The following NIBAN2 variants were observed in gnomAD, a reference collection of about 807,000 sequenced individuals.
The protein encoded by NIBAN2 is protein Niban 2.
NIBAN2 carries 36 observed loss-of-function variants against 81.8 expected under a neutral mutation model. The observed-to-expected ratio is 0.44, with a 90% CI of 0.34 to 0.58. The LOEUF (loss-of-function observed/expected upper bound fraction) is 0.58. NIBAN2 is among the 20% of genes least tolerant of loss of function. The pLI, the probability that NIBAN2 is intolerant of heterozygous loss-of-function variation, is 0.02. For synonymous variants in NIBAN2, 445 were observed against 441.6 expected, an observed-to-expected ratio of 1.01 and a Z score of -0.10; for missense variants, 897 against 1,014.1, an observed-to-expected ratio of 0.88 and a Z score of 1.57.
At chr9:127,533,104 ACC>A (rs1210062540) in intron 1 of NIBAN2, among the ~76,000 whole-genome samples, 1 of 149,422 alleles carries the variant, frequency 6.7e-6, no homozygotes, top group Non-Finnish European at 1.5e-5. Context: ...GTTGCAATGA[ACC>A]AAGATCGTAC....
At chr9:127,547,612 C>T (rs896727161) in intron 1 of NIBAN2, among the ~76,000 whole-genome samples, 1 of 152,016 alleles carries the variant, frequency 6.6e-6, no homozygotes, top group African/African-American at 2.4e-5. Flanking sequence ...CCAAGGTGGG[C>T]AGATCATCTG....
intron 1 of NIBAN2, among the ~76,000 whole-genome samples, chr9:127,558,048 C>T (rs1220750478): frequency 2.0e-5 from 3 of 151,934 alleles, no homozygotes; most frequent in African/African-American, 4.8e-5. Flanking sequence ...AGGGCTGCCC[C>T]TTCCCCCTCC....
At chr9:127,530,260 A>C (rs1009099847) in intron 2 of NIBAN2, among the ~76,000 whole-genome samples, 12 of 152,256 alleles carry the variant, frequency 7.9e-5, no homozygotes, top group Admixed American at 6.5e-5. Context: ...TTTCTGGGTC[A>C]AAAAGCAAAG....
At position 127,508,206 on chromosome 9, in the gene NIBAN2, G is replaced by A; in HGVS notation, c.1435-6C>T. 1 of 1,608,884 alleles carries A rather than the reference G, an allele frequency of 6.2e-7. No individual in the cohort carries two copies. The highest frequency in any genetic ancestry group is 8.5e-7 in the Non-Finnish European group (1 of 1,176,082). On this transcript the variant is annotated splice_region_variant and splice_polypyrimidine_tract_variant and intron_variant, in intron 11 of 13. Transcript: ENST00000373312. The surrounding 1 kb of genome is among the most constrained non-coding windows in gnomAD (Gnocchi z 6.4). ...CTGCTGTCGTAGTCGTATTTCTGCA[G>A]GGAACAAGGGGGTCGGGGGTCTGCA... is the stretch of plus-strand genomic sequence containing the variant.
Position 127,505,415 on chromosome 9 carries a change from G to C in NIBAN2, c.*1430C>G, listed in dbSNP as rs1208699578. The C allele has an allele frequency of 1.3e-5, 2 of 152,664 alleles. No individual in the cohort carries two copies. Among genetic ancestry groups the C allele is most frequent in the Non-Finnish European group, 2.9e-5 (2 of 68,048 alleles). The allele number at this position is 152,664 out of a possible 1,614,324, so 9.5% of individuals were successfully genotyped here. On this transcript the variant is annotated 3_prime_UTR_variant, in exon 14 of 14. Coordinates refer to ENST00000373312, the MANE Select transcript of NIBAN2 (RefSeq NM_022833.4). ...AATATTTTCAATACAATATCAGGGA[G>C]GGATGATGGGAACCCCTCAAAAGGC...
chr9:127,511,645 C>CA (rs1173156274), intron 8 of NIBAN2, among the ~76,000 whole-genome samples: 1 of 151,874 alleles, frequency 6.6e-6, no homozygotes, highest in Non-Finnish European at 1.5e-5. Flanking sequence ...ACCATGATGG[C>CA]AAAAAACTAA....
chr9:127,527,622 C>G lies in NIBAN2; in HGVS notation c.187-300G>C, dbSNP rs549806903. On this transcript the variant is annotated intron_variant, in intron 2 of 13. Coordinates refer to ENST00000373312, the MANE Select transcript of NIBAN2 (RefSeq NM_022833.4). ...TAGGGCCTGGCCACAGCCAGGCTCT[C>G]CCTCTCCATCCCAGCCTTGGGCTGT... Among the ~76,000 whole-genome samples the G allele has an allele frequency of 2.0e-5, 3 of 152,328 alleles. No homozygotes were observed. The East Asian group carries it at 5.8e-4, about 29-fold the overall frequency.
Position 127,508,611 on chromosome 9 carries a change from C to A in NIBAN2, c.1318-73G>T, listed in dbSNP as rs188858973. The A allele has an allele frequency of 4.6e-5, 59 of 1,269,364 alleles. No homozygotes were observed. In the African/African-American group the frequency reaches 7.4e-4, roughly 16 times the overall value. 78.6% of individuals were successfully genotyped at this position (1,269,364 alleles called of 1,614,324 possible). A position where few individuals can be genotyped will look rare whatever the true frequency, so the allele number is the denominator to read the frequency against. On this transcript the variant is annotated intron_variant, in intron 10 of 13. Transcript: ENST00000373312. This position sits in a 1 kb window ranked among gnomAD's most constrained non-coding sequence, Gnocchi z 6.4. The stretch of plus-strand genomic sequence containing the variant: ...CCCTTCCTGGGTGCCGCTGAGGGGT[C>A]CTCATCCTCAACCAGCCCCCCACCC...
chr9:127,577,377 A>G (rs1299815419), intron 1 of NIBAN2, among the ~76,000 whole-genome samples: 2 of 152,048 alleles, frequency 1.3e-5, no homozygotes, highest in African/African-American at 4.8e-5. Context: ...TAGAGCTGCA[A>G]TACCCCACGC....
rs975908582 is a variant in NIBAN2 at position 127,509,191 on chromosome 9, C to G, written c.1162-60G>C. The G allele has an allele frequency of 5.3e-6, 8 of 1,505,928 alleles. No individual in the cohort carries two copies. In the African/African-American group the frequency reaches 6.9e-5, roughly 13 times the overall value. The allele number at this position is 1,505,928 out of a possible 1,614,324, so 93.3% of individuals were successfully genotyped here. On this transcript the variant is annotated intron_variant, in intron 9 of 13. Coordinates refer to ENST00000373312, the MANE Select transcript of NIBAN2 (RefSeq NM_022833.4). ...CCGCCCTGTGGCCAGGCAGCACCCC[C>G]CACACACTTTGCCTGGGTCCTCGAA...
At chr9:127,518,029 C>CA (rs1836867667) in intron 5 of NIBAN2, 88 bp from the exon 6 acceptor site, 2 of 756,466 alleles carry the variant, frequency 2.6e-6, no homozygotes, top group Non-Finnish European at 2.1e-6. Context: ...AAAACCCCCC[C>CA]CACACACATG....
chr9:127,523,894 C>T lies in NIBAN2; in HGVS notation c.422-48G>A, dbSNP rs970500893. On this transcript the variant is annotated intron_variant, in intron 4 of 13. Transcript: ENST00000373312. ...GCAGCTGCCCTCTGTGGTTGCCCTC[C>T]ACCAGAGGATGTCAGAGAACTGATC... 44 of 1,575,304 alleles carry T rather than the reference C, an allele frequency of 2.8e-5. No individual in the cohort carries two copies. In the Middle Eastern group the frequency reaches 5.1e-4, roughly 18 times the overall value.
rs1307181598 is a variant in NIBAN2 at position 127,507,765 on chromosome 9, G to T, written c.1654+102C>A. ...ACCCAGACCCCAGGTGCAAGTCTGG[G>T]CTTTTCTTTGAGCCTTAGCTGACCC... On this transcript the variant is annotated intron_variant, in intron 13 of 13. Coordinates refer to ENST00000373312, the MANE Select transcript of NIBAN2 (RefSeq NM_022833.4). The surrounding 1 kb of genome is among the most constrained non-coding windows in gnomAD (Gnocchi z 6.8). 2.8e-6 allele frequency: 3 copies of T among 1,077,636 alleles called. No individual in the cohort carries two copies. The highest frequency in any genetic ancestry group is 2.8e-6 in the Non-Finnish European group (2 of 707,014). 66.8% of individuals were successfully genotyped at this position (1,077,636 alleles called of 1,614,324 possible).
In NIBAN2 at chr9:127,508,723, G is replaced by A. The variant is rs1485311164; in HGVS notation, c.1318-185C>T. On this transcript the variant is annotated intron_variant, in intron 10 of 13. Coordinates refer to ENST00000373312, the MANE Select transcript of NIBAN2 (RefSeq NM_022833.4). The surrounding 1 kb of genome is among the most constrained non-coding windows in gnomAD (Gnocchi z 6.4). ...GCAAGTCCCTGCCTCAAGGCAACAG[G>A]AAATATGGGAAGGGGCCTGGGGGCG... Among the ~76,000 whole-genome samples the A allele has an allele frequency of 6.6e-6, 1 of 152,082 alleles. No individual in the cohort carries two copies. Among genetic ancestry groups the A allele is most frequent in the African/African-American group, 2.4e-5 (1 of 41,416 alleles).
intron 8 of NIBAN2, among the ~76,000 whole-genome samples, chr9:127,513,235 G>A (rs553225275): frequency 6.6e-6 from 1 of 152,214 alleles, no homozygotes; most frequent in South Asian, 2.1e-4. Flanking sequence ...TAAACAAGCA[G>A]AAAACAAAGC....
In NIBAN2 at chr9:127,517,772, T is replaced by C; in HGVS notation, c.705+54A>G. ...CTGTACCCCACCCCCTGCCCTCCCC[T>C]GCTGGGTCCTTGGGTGACTTCTGAG... On this transcript the variant is annotated intron_variant, in intron 6 of 13. Transcript: ENST00000373312. The surrounding 1 kb of genome is among the most constrained non-coding windows in gnomAD (Gnocchi z 4.0). 1 of 976,560 alleles carries C rather than the reference T, an allele frequency of 1.0e-6. No homozygotes were observed. The highest frequency in any genetic ancestry group is 1.5e-6 in the Non-Finnish European group (1 of 653,232). The allele number at this position is 976,560 out of a possible 1,614,324, so 60.5% of individuals were successfully genotyped here.
chr9:127,518,232 TTTACAGATGA>T (rs60848863), intron 5 of NIBAN2, among the ~76,000 whole-genome samples: 76 of 152,258 alleles, frequency 5.0e-4, no homozygotes, highest in African/African-American at 1.8e-3. Flanking sequence ...ACCTTATTGC[TTTACAGATGA>T]TTACAGATGA....
chr9:127,547,855 C>T (rs1259162193), intron 1 of NIBAN2, among the ~76,000 whole-genome samples: 1 of 151,874 alleles, frequency 6.6e-6, no homozygotes, highest in Admixed American at 6.6e-5. Flanking sequence ...AAAAAACAAA[C>T]AAAAAAAACC....
Position 127,508,227 on chromosome 9 carries a change from C to A in NIBAN2, c.1435-27G>T. ...TGCAGGGAACAAGGGGGTCGGGGGT[C>A]TGCAGGTCAGTGGGCTCCATTGGCC... On this transcript the variant is annotated intron_variant, in intron 11 of 13. Coordinates refer to ENST00000373312, the MANE Select transcript of NIBAN2 (RefSeq NM_022833.4). The surrounding 1 kb of genome is among the most constrained non-coding windows in gnomAD (Gnocchi z 6.4). The A allele has an allele frequency of 6.3e-7, 1 of 1,586,504 alleles. No homozygotes were observed. The highest frequency in any genetic ancestry group is 1.1e-5 in the South Asian group (1 of 90,304).
Sources: allele counts gnomAD v4.1 joint callset (sites outside exome capture counted in the v4.1 genomes callset), GRCh38; gene constraint gnomAD v4.1.1; non-coding constraint Gnocchi (gnomAD v3.1); transcripts MANE v1.5; gene names NCBI Gene and HGNC (gene_info 2026-07-23, HGNC 2026-07-21).